Variants in FAT2 observed in about 807,000 individuals in gnomAD.
FAT2 encodes the protein FAT atypical cadherin 2.
In FAT2, 150 loss-of-function variants were observed where a neutral mutation model predicts 295.3. The ratio of observed to expected loss-of-function variants is 0.51; its 90% CI spans 0.44 to 0.58. FAT2 has a LOEUF of 0.58. Among genes scored for constraint, FAT2 ranks in the 20% least tolerant of loss-of-function variants. FAT2 has a pLI of 0.00. For missense variants in FAT2, 4,868 were observed against 5,442.7 expected (o/e 0.89, Z 3.32); for synonymous variants, 2,026 against 2,150.3 (o/e 0.94, Z 1.60).
rs1414381953 is a variant in FAT2, at chr5:151,531,796, A to G, written c.9602T>C (p.Leu3201Pro). The stretch of plus-strand genomic sequence containing the variant: ...CACCACCGAGACTGTGACGGTGCCC[A>G]GCGTGGACAGCGGTATTGGGGTGCC... The part of the protein sequence containing the change: ...DLGTPIPLST[L>P]GTVTVSVVGL... Residue 3201 changes from leucine to proline, a missense_variant, in exon 14 of 24, where the codon CTG becomes CCG. This residue lies in a region of FAT2 where 1,046 missense variants were observed against 1,210.1 expected (regional missense o/e 0.86). Transcript: ENST00000261800. This position sits in a 1 kb window ranked among gnomAD's most constrained non-coding sequence, Gnocchi z 5.7. 1.9e-6 allele frequency: 3 copies of G among 1,612,722 alleles called. No homozygotes were observed. The African/African-American group carries it at 4.0e-5, about 22-fold the overall frequency.
In FAT2 at chr5:151,512,255, G is replaced by A; in HGVS notation, c.11815C>T (p.Gln3939Ter). The A allele has an allele frequency of 6.2e-7, 1 of 1,614,226 alleles. No homozygotes were observed. Among genetic ancestry groups the A allele is most frequent in the Non-Finnish European group, 8.5e-7 (1 of 1,180,038 alleles). Residue 3939 changes from glutamine to a stop codon, truncating the protein, a stop_gained, in exon 21 of 24, where the codon CAA (glutamine) becomes TAA (stop). Transcript: ENST00000261800. LOFTEE classifies it high-confidence loss of function. This position sits in a 1 kb window ranked among gnomAD's most constrained non-coding sequence, Gnocchi z 4.1. ...GKTVAGLLET[Q>*]ALTQCCLHSD... ...TGGAGGCAGCACTGGGTGAGGGCTT[G>A]TGTCTCCAGCAAGCCTGCCACCGTC...
intron 3 of FAT2, among the ~76,000 whole-genome samples, chr5:151,562,618 A>C (rs10069540): frequency 0.48 from 72,676 of 152,114 alleles, 17,610 homozygotes; most frequent in Non-Finnish European, 0.53. Context: ...CAATGTGGCC[A>C]GATCCTTCCA....
At chr5:151,556,229 TA>T in intron 4 of FAT2, 114 bp downstream of exon 4, 1 of 829,100 alleles carries the variant, frequency 1.2e-6, no homozygotes, top group Non-Finnish European at 2.1e-6. Flanking sequence ...AGCTCACGTA[TA>T]TCTTCCTCCC....
intron 20 of FAT2, among the ~76,000 whole-genome samples, chr5:151,517,393 A>G (rs1257819033): frequency 6.6e-6 from 1 of 152,232 alleles, no homozygotes; most frequent in Non-Finnish European, 1.5e-5. Flanking sequence ...CCCACAGAGT[A>G]AGCAGCCCCA....
At chr5:151,516,509 CTG>C (rs1164553980) in intron 20 of FAT2, among the ~76,000 whole-genome samples, 1 of 152,148 alleles carries the variant, frequency 6.6e-6, no homozygotes, top group Non-Finnish European at 1.5e-5. Flanking sequence ...GAGTGAGACT[CTG>C]TCTCAATAAA....
rs1461746901 is a variant in FAT2, at chr5:151,505,634, C to T, written c.12981G>A (p.Val4327=). ...APLAGQGQPR[V]PPNYEGSDMV... ...TGTCAGAGCCCTCATAGTTGGGGGGCACCCGGGGCTGGCCCTGGCCTGCAA... is the reference window on the plus strand; with the variant it reads ...TGTCAGAGCCCTCATAGTTGGGGGGTACCCGGGGCTGGCCCTGGCCTGCAA... The change falls in exon 24 of 24, where the codon GTG becomes GTA. Residue 4327 remains valine, a synonymous_variant. Transcript: ENST00000261800. The T allele has an allele frequency of 3.7e-6, 6 of 1,614,176 alleles. No individual in the cohort carries two copies. Among genetic ancestry groups the T allele is most frequent in the Non-Finnish European group, 5.1e-6 (6 of 1,180,026 alleles).
intron 2 of FAT2, among the ~76,000 whole-genome samples, chr5:151,564,641 G>C (rs948371792): frequency 2.0e-5 from 3 of 152,170 alleles, no homozygotes; most frequent in Non-Finnish European, 4.4e-5. Context: ...GTGGGCACTC[G>C]AACAGTGCTG....
intron 3 of FAT2, among the ~76,000 whole-genome samples, chr5:151,558,299 C>G (rs1167121724): frequency 6.6e-6 from 1 of 152,146 alleles, no homozygotes; most frequent in Non-Finnish European, 1.5e-5. Flanking sequence ...AAATGCTGCA[C>G]ACAATATATT....
At chr5:151,586,861 C>G (rs1759191082) in intron 1 of FAT2, among the ~76,000 whole-genome samples, 1 of 152,158 alleles carries the variant, frequency 6.6e-6, no homozygotes, top group Non-Finnish European at 1.5e-5. Context: ...GTGGCTCAGG[C>G]TGGGCGCAGT....
intron 1 of FAT2, among the ~76,000 whole-genome samples, chr5:151,580,302 T>C (rs1758896579): frequency 6.6e-6 from 1 of 152,186 alleles, no homozygotes; most frequent in Non-Finnish European, 1.5e-5. Flanking sequence ...CCCTCAGTAC[T>C]GCCTCCACTT....
chr5:151,585,121 C>T (rs1759119792), intron 1 of FAT2, among the ~76,000 whole-genome samples: 1 of 152,206 alleles, frequency 6.6e-6, no homozygotes, highest in South Asian at 2.1e-4. Context: ...AATTGGAGTT[C>T]TCCTAACAAT....
At chr5:151,555,660 G>A (rs369592994) in intron 4 of FAT2, among the ~76,000 whole-genome samples, 3 of 152,100 alleles carry the variant, frequency 2.0e-5, no homozygotes, top group South Asian at 2.1e-4. Flanking sequence ...ATGAGCCACC[G>A]TGCCTGGCTA....
intron 1 of FAT2, among the ~76,000 whole-genome samples, chr5:151,570,195 T>C (rs989787230): frequency 6.6e-6 from 1 of 152,170 alleles, no homozygotes; most frequent in Non-Finnish European, 1.5e-5. Flanking sequence ...CAGACCAGGG[T>C]TGCCTCCTTG....
At chr5:151,569,387 G>A (rs1188309641) in intron 1 of FAT2, among the ~76,000 whole-genome samples, 2 of 152,122 alleles carry the variant, frequency 1.3e-5, no homozygotes, top group African/African-American at 4.8e-5. Context: ...GATCTCATGA[G>A]ACTTATTCAC....
At chr5:151,555,337 A>G (rs1757587946) in intron 4 of FAT2, among the ~76,000 whole-genome samples, 1 of 149,744 alleles carries the variant, frequency 6.7e-6, no homozygotes, top group Non-Finnish European at 1.5e-5. Context: ...CTAGAAGGCC[A>G]TTTAGCTACT....
rs1163241145 is a variant in FAT2, at chr5:151,517,119, AAAG to A, written c.11463+498_11463+500del. Reference sequence around the variant, plus strand: ...AGAGACTCCATCTCAAAAAAAAAAAAAAGAAAAAAGAAATGGTAGATTGGCATA... The same window carrying A: ...AGAGACTCCATCTCAAAAAAAAAAAAAAAAAAGAAATGGTAGATTGGCATA... On this transcript the variant is annotated intron_variant, in intron 20 of 23. Transcript: ENST00000261800. Among the ~76,000 whole-genome samples the A allele has an allele frequency of 1.2e-3, 176 of 152,250 alleles. 1 individual carries two copies. The highest frequency in any genetic ancestry group is 2.2e-3 in the Non-Finnish European group (153 of 68,000).
At position 151,554,587 on chromosome 5, in the gene FAT2, A is replaced by C; in HGVS notation, c.3720T>G (p.Pro1240=). 6.2e-7 allele frequency: 1 copy of C among 1,614,168 alleles called. No homozygotes were observed. The highest frequency in any genetic ancestry group is 8.5e-7 in the Non-Finnish European group (1 of 1,180,022). The stretch of plus-strand genomic sequence containing the variant: ...CATTGAAGAGCTTGTGGGAGAATAT[A>C]GGTGGATTGTCATTGACGTCCAAGA... The part of the protein sequence containing the change: ...VGILDVNDNP[P]IFSHKLFNVR... Residue 1240 remains proline (P), a synonymous_variant, in exon 5 of 24, where the codon CCT becomes CCG. Transcript: ENST00000261800.
chr5:151,566,516 G>C lies in FAT2; in HGVS notation c.2416C>G (p.Leu806Val). The C allele has an allele frequency of 6.2e-7, 1 of 1,614,056 alleles. No individual in the cohort carries two copies. The highest frequency in any genetic ancestry group is 8.5e-7 in the Non-Finnish European group (1 of 1,180,000). The stretch of plus-strand genomic sequence containing the variant: ...TTCCAGTCTTTCACATTCACTGTCA[G>C]CAGCTTCCAGGAGGACTTCTGGGGT... ...GTPQKSSWKL[L>V]TVNVKDWNDN... The change falls in exon 2 of 24, where the codon CTG (leucine) becomes GTG (valine). Residue 806 changes from leucine to valine, a missense_variant. Leu to Val is a conservative substitution (Grantham distance 32). Coordinates refer to ENST00000261800, the MANE Select transcript of FAT2 (RefSeq NM_001447.3).
At chr5:151,552,581 G>T (rs28605719) in intron 6 of FAT2, among the ~76,000 whole-genome samples, 5,601 of 152,290 alleles carry the variant, frequency 0.037, 243 homozygotes, top group African/African-American at 0.1. Flanking sequence ...GTGTGTGTTT[G>T]TGCACACAAC....
Sources: allele counts gnomAD v4.1 joint callset (sites outside exome capture counted in the v4.1 genomes callset), GRCh38; gene constraint gnomAD v4.1.1; regional missense constraint gnomAD v4.1.1; non-coding constraint Gnocchi (gnomAD v3.1); transcripts MANE v1.5; gene names NCBI Gene and HGNC (gene_info 2026-07-23, HGNC 2026-07-21).